Variants in FBXL13 observed in about 807,000 individuals in gnomAD.
FBXL13 encodes the protein F-box and leucine-rich repeat protein 13.
A neutral mutation model predicts 83.6 loss-of-function variants in FBXL13; 67 were observed. The ratio of observed to expected loss-of-function variants is 0.80; its 90% CI spans 0.66 to 0.98. FBXL13 has a LOEUF of 0.98. Among genes scored for constraint, FBXL13 ranks in the 50% least tolerant of loss-of-function variants. The pLI is 0.00. For missense variants in FBXL13, 822 were observed against 866.5 expected (o/e 0.95, Z 0.64); for synonymous variants, 272 against 299.5 (o/e 0.91, Z 0.95).
intron 18 of FBXL13, among the ~76,000 whole-genome samples, chr7:102,826,793 T>G (rs1176160428): frequency 7.9e-6 from 1 of 127,130 alleles, no homozygotes; most frequent in Non-Finnish European, 1.7e-5. Context: ...CTCTAATATA[T>G]TAATATATAT....
At chr7:103,013,228 G>C (rs560311082) in intron 6 of FBXL13, among the ~76,000 whole-genome samples, 11 of 152,120 alleles carry the variant, frequency 7.2e-5, no homozygotes, top group Non-Finnish European at 1.3e-4. Flanking sequence ...ACAGATCATC[G>C]AGGCAGAAAA....
chr7:102,886,681 T>C (rs1392517474), intron 11 of FBXL13, among the ~76,000 whole-genome samples: 2 of 152,212 alleles, frequency 1.3e-5, no homozygotes, highest in East Asian at 3.8e-4. Context: ...TTGAGTAATA[T>C]TATTACATGA....
intron 6 of FBXL13, among the ~76,000 whole-genome samples, chr7:103,004,764 A>C (rs182244694): frequency 6.6e-6 from 1 of 152,092 alleles, no homozygotes; most frequent in African/African-American, 2.4e-5. Flanking sequence ...AGAGTTTTTC[A>C]TTTCTTTGTA....
chr7:103,003,278 GTTTTTTTTTTTTTT>G (rs563726626), intron 6 of FBXL13, among the ~76,000 whole-genome samples: 2 of 75,916 alleles, frequency 2.6e-5, no homozygotes, highest in Non-Finnish European at 4.7e-5. Context: ...TTGTTTTGGG[GTTTTTTTTTTTTTT>G]TTTTTTTTTT....
chr7:103,024,135 AAGAGAGAG>A (rs59206823), intron 6 of FBXL13, among the ~76,000 whole-genome samples: 2,306 of 96,642 alleles, frequency 0.024, 62 homozygotes, highest in African/African-American at 0.062. Flanking sequence ...AAAAGTTAAA[AAGAGAGAG>A]AGAGAGAGAG....
At position 102,963,995 on chromosome 7, in the gene FBXL13, A is replaced by G. The variant is rs371552464; in HGVS notation, c.592-330T>C. ...AATAGATGAGAAAATGATCCACATC[A>G]TTATCAGATAAATGCAAATTGAAAC... is the stretch of plus-strand genomic sequence containing the variant. On this transcript the variant is annotated intron_variant, in intron 7 of 19. Transcript: ENST00000313221. Among the ~76,000 whole-genome samples, 24 of 152,346 alleles carry G rather than the reference A, an allele frequency of 1.6e-4. No homozygotes were observed. In the East Asian group the frequency reaches 3.5e-3, roughly 22 times the overall value.
intron 10 of FBXL13, among the ~76,000 whole-genome samples, chr7:102,918,389 A>G (rs1164221871): frequency 6.6e-6 from 1 of 152,250 alleles, no homozygotes; most frequent in Non-Finnish European, 1.5e-5. Context: ...CTTCATTTGT[A>G]AAATAAATGT....
chr7:102,986,502 T>C lies in FBXL13; in HGVS notation c.496-18385A>G, dbSNP rs537617307. Among the ~76,000 whole-genome samples, 29 of 152,194 alleles carry C rather than the reference T, an allele frequency of 1.9e-4. No individual in the cohort carries two copies. The South Asian group carries it at 5.4e-3, about 28-fold the overall frequency. On this transcript the variant is annotated intron_variant, in intron 6 of 19. Coordinates refer to ENST00000313221, the Ensembl canonical transcript of FBXL13. Reference sequence around the variant, plus strand: ...AGCTGGGCTCAGAAATCATGGAGTCTCCCGCCTTCAAGGGACTGTGTCGAT... The same window carrying C: ...AGCTGGGCTCAGAAATCATGGAGTCCCCCGCCTTCAAGGGACTGTGTCGAT...
At chr7:102,931,986 A>C (rs55781834) in intron 8 of FBXL13, 53 bp from the exon 10 acceptor site, 244,846 of 1,547,372 alleles carry the variant, frequency 0.16, 20,937 homozygotes, top group Middle Eastern at 0.2. Flanking sequence ...ATGTTTAAAC[A>C]AAGTTTTTCT....
chr7:102,874,304 T>C lies in FBXL13; in HGVS notation c.1635+3163A>G, dbSNP rs1808933143. ...AAGTTGACATCCGGGCTGACTCATT[T>C]TAACTTCACTGTTTGAGGTTAGCTT... On this transcript the variant is annotated intron_variant, in intron 16 of 19. Coordinates refer to ENST00000313221, the Ensembl canonical transcript of FBXL13. The C allele has an allele frequency of 7.1e-6, 7 of 984,078 alleles. No homozygotes were observed. In the South Asian group the frequency reaches 3.3e-4, roughly 46 times the overall value. The allele number at this position is 984,078 out of a possible 1,614,324, so 61.0% of individuals were successfully genotyped here. A position where few individuals can be genotyped will look rare whatever the true frequency, so the allele number is the denominator to read the frequency against.
intron 2 of FBXL13, among the ~76,000 whole-genome samples, chr7:103,044,659 TC>T (rs1474309788): frequency 1.3e-5 from 2 of 152,218 alleles, no homozygotes; most frequent in East Asian, 1.9e-4. Context: ...TCCTTCTACT[TC>T]TGTGTTATAT....
intron 6 of FBXL13, among the ~76,000 whole-genome samples, chr7:103,017,369 C>A (rs1053677803): frequency 6.6e-6 from 1 of 151,764 alleles, no homozygotes; most frequent in African/African-American, 2.4e-5. Context: ...ACCACAAAGA[C>A]GGGGAAAAAA....
At chr7:102,930,409 A>C (rs1444600124) in intron 9 of FBXL13, among the ~76,000 whole-genome samples, 1 of 151,944 alleles carries the variant, frequency 6.6e-6, no homozygotes, top group Non-Finnish European at 1.5e-5. Flanking sequence ...TTTTCCTTCT[A>C]CCACTCTCTA....
intron 6 of FBXL13, among the ~76,000 whole-genome samples, chr7:102,981,913 A>T (rs1057336283): frequency 6.6e-6 from 1 of 152,186 alleles, no homozygotes; most frequent in Admixed American, 6.5e-5. Context: ...AAAAGCCAAA[A>T]TATTATTTTG....
chr7:102,867,695 A>AT (rs1205859622), intron 16 of FBXL13, among the ~76,000 whole-genome samples: 3,018 of 49,136 alleles, frequency 0.061, 436 homozygotes, highest in Non-Finnish European at 0.081. Context: ...ATATATATAT[A>AT]TTTTTTTTTT....
intron 1 of FBXL13, among the ~76,000 whole-genome samples, chr7:103,060,059 T>TATAC (rs1284471728): frequency 8.7e-6 from 1 of 115,448 alleles, no homozygotes; most frequent in Admixed American, 8.3e-5. Flanking sequence ...TATATATATA[T>TATAC]ATATACTTTT....
rs35025022 is a variant in FBXL13 at position 102,929,663 on chromosome 7, CA to C, written c.777+2217del. ...TGGGCAACAGAGTGAGACTCCATCT[CA>C]AAAAAAAAAAAAAAAAAAAATTAAT... On this transcript the variant is annotated intron_variant, in intron 9 of 19. Transcript: ENST00000313221. Among the ~76,000 whole-genome samples, 890 of 91,460 alleles carry C rather than the reference CA, an allele frequency of 9.7e-3. 3 individuals are homozygous for C. The highest frequency in any genetic ancestry group is 0.034 in the African/African-American group (711 of 21,102). The allele number at this position is 91,460 out of a possible 152,430, so 60.0% of individuals were successfully genotyped here. A position where few individuals can be genotyped will look rare whatever the true frequency, so the allele number is the denominator to read the frequency against.
chr7:102,885,207 T>C (rs888282306), intron 11 of FBXL13, among the ~76,000 whole-genome samples: 3 of 152,196 alleles, frequency 2.0e-5, no homozygotes, highest in South Asian at 4.1e-4. Flanking sequence ...ACCACCAAAA[T>C]GTTTTCTTCA....
At chr7:102,870,312 C>T (rs1437569802) in intron 16 of FBXL13, among the ~76,000 whole-genome samples, 1 of 152,142 alleles carries the variant, frequency 6.6e-6, no homozygotes, top group Non-Finnish European at 1.5e-5. Flanking sequence ...CATTAACCAT[C>T]ACCATATGAT....
Sources: allele counts gnomAD v4.1 joint callset (sites outside exome capture counted in the v4.1 genomes callset), GRCh38; gene constraint gnomAD v4.1.1; transcripts MANE v1.5; gene names NCBI Gene and HGNC (gene_info 2026-07-23, HGNC 2026-07-21).